The following IL10RA variants were observed in gnomAD, a reference collection of about 807,000 sequenced individuals.
IL10RA encodes the protein interleukin 10 receptor subunit alpha.
A neutral mutation model predicts 29.6 loss-of-function variants in IL10RA; 18 were observed. The ratio of observed to expected loss-of-function variants is 0.61; its 90% CI spans 0.42 to 0.90. The LOEUF (loss-of-function observed/expected upper bound fraction) is 0.90, where lower values mean the gene tolerates loss of function less well. Among genes scored for constraint, IL10RA ranks in the 40% least tolerant of loss-of-function variants. IL10RA has a pLI of 0.00. For missense variants in IL10RA, 634 were observed against 716.6 expected, an observed-to-expected ratio of 0.88 and a Z score of 1.32; for synonymous variants, 292 against 294.1, an observed-to-expected ratio of 0.99 and a Z score of 0.07.
chr11:117,993,469 C>G, intron 4 of IL10RA, 59 bp downstream of exon 4: 1 of 1,441,394 alleles, frequency 6.9e-7, no homozygotes, highest in Non-Finnish European at 9.8e-7. Flanking sequence ...GTCCCCTGGG[C>G]TGGAAGCACC....
chr11:117,994,043 C>T lies in IL10RA; in HGVS notation c.582C>T (p.Thr194=). 1 of 1,613,948 alleles carries T rather than the reference C, an allele frequency of 6.2e-7. No homozygotes were observed. Among genetic ancestry groups the T allele is most frequent in the East Asian group, 2.2e-5 (1 of 44,888 alleles). Residue 194 remains threonine (T), a synonymous_variant, in exon 5 of 7, where the codon ACC becomes ACT. Coordinates refer to ENST00000227752, the MANE Select transcript of IL10RA (RefSeq NM_001558.4). ...AACATGAAAACTTCAGCCTCCTAAC[C>T]TCTGGAGAAGTGGGAGAGTTCTGTG... is the stretch of plus-strand genomic sequence containing the variant. The part of the protein sequence containing the change: ...KVKHENFSLL[T]SGEVGEFCVQ...
Position 118,000,840 on chromosome 11 carries a change from G to T in IL10RA, c.*1199G>T, listed in dbSNP as rs540216075. On this transcript the variant is annotated 3_prime_UTR_variant, in exon 7 of 7. Transcript: ENST00000227752. The stretch of plus-strand genomic sequence containing the variant: ...TATGCCAGAGGCTAACAGATCCAAT[G>T]GGAGTCCATGGTGTCATGCCAAGAC... The T allele has an allele frequency of 2.2e-6, 1 of 454,266 alleles. No homozygotes were observed. The highest frequency in any genetic ancestry group is 1.6e-5 in the South Asian group (1 of 64,476). 28.1% of individuals were successfully genotyped at this position (454,266 alleles called of 1,614,324 possible).
At position 118,000,832 on chromosome 11, in the gene IL10RA, G is replaced by A. The variant is rs2058090922; in HGVS notation, c.*1191G>A. On this transcript the variant is annotated 3_prime_UTR_variant, in exon 7 of 7. Coordinates refer to ENST00000227752, the MANE Select transcript of IL10RA (RefSeq NM_001558.4). ...TTGTTTCTTATGCCAGAGGCTAACAGATCCAATGGGAGTCCATGGTGTCAT... is the reference window on the plus strand; with the variant it reads ...TTGTTTCTTATGCCAGAGGCTAACAAATCCAATGGGAGTCCATGGTGTCAT... 4.4e-6 allele frequency: 2 copies of A among 454,176 alleles called. No homozygotes were observed. Among genetic ancestry groups the A allele is most frequent in the Non-Finnish European group, 8.8e-6 (2 of 226,800 alleles). The allele number at this position is 454,176 out of a possible 1,614,324, so 28.1% of individuals were successfully genotyped here.
At chr11:117,991,536 T>TA (rs2058022302) in intron 3 of IL10RA, among the ~76,000 whole-genome samples, 1 of 152,182 alleles carries the variant, frequency 6.6e-6, no homozygotes, top group Admixed American at 6.5e-5. Context: ...CCTCTCCTTG[T>TA]TCCCTATCCA....
Position 117,989,694 on chromosome 11 carries a change from C to T in IL10RA, c.367+74C>T. On this transcript the variant is annotated intron_variant, in intron 3 of 6. Transcript: ENST00000227752. This position sits in a 1 kb window ranked among gnomAD's most constrained non-coding sequence, Gnocchi z 4.5. Reference sequence around the variant, plus strand: ...CCAGGAACTCTAGTCTAGAGCTTTTCTGTCTATTACCATAGCTCACCATGT... The same window carrying T: ...CCAGGAACTCTAGTCTAGAGCTTTTTTGTCTATTACCATAGCTCACCATGT... 6.9e-7 allele frequency: 1 copy of T among 1,446,198 alleles called. No homozygotes were observed. Among genetic ancestry groups the T allele is most frequent in the Non-Finnish European group, 9.6e-7 (1 of 1,046,290 alleles). The allele number at this position is 1,446,198 out of a possible 1,614,324, so 89.6% of individuals were successfully genotyped here.
intron 5 of IL10RA, among the ~76,000 whole-genome samples, chr11:117,994,796 C>G (rs1052647676): frequency 1.3e-5 from 2 of 152,192 alleles, no homozygotes. Context: ...AGTAAGTGCT[C>G]TGGGAGGGCC....
At position 117,999,770 on chromosome 11, in the gene IL10RA, GC is replaced by G. The variant is rs774879478; in HGVS notation, c.*133del. 4.8e-6 allele frequency: 4 copies of G among 837,042 alleles called. No individual in the cohort carries two copies. Among genetic ancestry groups the G allele is most frequent in the Admixed American group, 3.9e-5 (2 of 50,680 alleles). 51.9% of individuals were successfully genotyped at this position (837,042 alleles called of 1,614,324 possible). ...CTTTTCTGCAAGTCCACTGGGGCTGGCCCCAGCCAGGCCCTGCAGGGCTGGT... is the reference window on the plus strand; with the variant it reads ...CTTTTCTGCAAGTCCACTGGGGCTGGCCCAGCCAGGCCCTGCAGGGCTGGT... On this transcript the variant is annotated 3_prime_UTR_variant, in exon 7 of 7. Transcript: ENST00000227752.
intron 1 of IL10RA, chr11:117,986,904 C>T (rs1166811014): frequency 9.2e-6 from 11 of 1,198,410 alleles, no homozygotes. Flanking sequence ...CTGACTCTCC[C>T]TTCTCTTAGT....
In IL10RA at chr11:117,999,403, A is replaced by G. The variant is rs2058078647; in HGVS notation, c.1499A>G (p.Asp500Gly). The change falls in exon 7 of 7, where the codon GAT becomes GGT. Residue 500 changes from aspartate (D) to glycine (G), a missense_variant. By Grantham distance (94) the Asp-to-Gly change is moderately conservative (BLOSUM62 -1). Transcript: ENST00000227752. ...CTGGCCAAGGGCTATTTGAAACAGG[A>G]TCCTCTAGAAATGACTCTGGCTTCC... is the stretch of plus-strand genomic sequence containing the variant. ...PALAKGYLKQ[D>G]PLEMTLASSG... The G allele has an allele frequency of 6.2e-7, 1 of 1,614,192 alleles. No individual in the cohort carries two copies. Among genetic ancestry groups the G allele is most frequent in the East Asian group, 2.2e-5 (1 of 44,890 alleles).
At chr11:117,994,336 T>C in intron 5 of IL10RA, 187 bp downstream of exon 5, 1 of 594,340 alleles carries the variant, frequency 1.7e-6, no homozygotes, top group South Asian at 2.1e-5. Context: ...TGAGGCTCAG[T>C]ATTAGCAACT....
rs767275130 is a variant in IL10RA, at chr11:117,999,185, C to T, written c.1281C>T (p.Pro427=). The T allele has an allele frequency of 2.4e-5, 38 of 1,614,112 alleles. No individual in the cohort carries two copies. Among genetic ancestry groups the T allele is most frequent in the Non-Finnish European group, 2.8e-5 (33 of 1,180,038 alleles). Reference sequence around the variant, plus strand: ...GCTCGGCCTTGGGCCACCACAGTCCCCCGGAGCCTGAGGTGCCTGGGGAAG... The same window carrying T: ...GCTCGGCCTTGGGCCACCACAGTCCTCCGGAGCCTGAGGTGCCTGGGGAAG... The part of the protein sequence containing the change: ...QGGSALGHHS[P]PEPEVPGEED... Residue 427 remains proline, a synonymous_variant, in exon 7 of 7, where the codon CCC becomes CCT. Transcript: ENST00000227752.
chr11:117,988,480 T>A lies in IL10RA; in HGVS notation c.166T>A (p.Cys56Ser). 1 of 1,614,046 alleles carries A rather than the reference T, an allele frequency of 6.2e-7. No individual in the cohort carries two copies. Among genetic ancestry groups the A allele is most frequent in the South Asian group, 1.1e-5 (1 of 91,074 alleles). Reference sequence around the variant, plus strand: ...CATCCCAAATCAGTCTGAAAGTACCTGCTATGAAGTGGCGCTCCTGAGGTG... The same window carrying A: ...CATCCCAAATCAGTCTGAAAGTACCAGCTATGAAGTGGCGCTCCTGAGGTG... ...TPIPNQSEST[C>S]YEVALLRYGI... is the part of the protein sequence containing the mutation. Residue 56 changes from cysteine to serine, a missense_variant, in exon 2 of 7, where the codon TGC (cysteine) becomes AGC (serine). Transcript: ENST00000227752.
intron 1 of IL10RA, chr11:117,987,105 G>C (rs2057991670): frequency 2.9e-6 from 1 of 346,400 alleles, no homozygotes; most frequent in Non-Finnish European, 5.7e-6. Flanking sequence ...ACAGTTCTCC[G>C]GCAAGGTTTC....
rs7933844 is a variant in IL10RA at position 117,992,204 on chromosome 11, C to T, written c.368-1037C>T. On this transcript the variant is annotated intron_variant, in intron 3 of 6. Coordinates refer to ENST00000227752, the MANE Select transcript of IL10RA (RefSeq NM_001558.4). Reference sequence around the variant, plus strand: ...TCAATACACTAATTTCAATATCTTTCGATATATACCCAGTAGTGGGAATTG... The same window carrying T: ...TCAATACACTAATTTCAATATCTTTTGATATATACCCAGTAGTGGGAATTG... Among the ~76,000 whole-genome samples the T allele has an allele frequency of 3.5e-3, 527 of 152,268 alleles. 3 individuals carry two copies. Among genetic ancestry groups the T allele is most frequent in the African/African-American group, 0.012 (479 of 41,534 alleles).
downstream of IL10RA, chr11:118,002,352 A>G (rs2058101041): frequency 6.6e-6 from 1 of 152,250 alleles, no homozygotes; most frequent in Non-Finnish European, 1.5e-5. Context: ...TGAGAAAATA[A>G]CTAGTTCTGA....
intron 2 of IL10RA, 51 bp downstream of exon 2, chr11:117,988,553 T>A (rs1764793376): frequency 5.0e-6 from 8 of 1,603,824 alleles, no homozygotes; most frequent in Non-Finnish European, 6.8e-6. Context: ...CCCCGCCTTG[T>A]CCTCTACTCT....
intron 1 of IL10RA, chr11:117,986,850 A>G (rs2057989994): frequency 6.9e-7 from 1 of 1,447,116 alleles, no homozygotes; most frequent in Non-Finnish European, 9.2e-7. Context: ...GTTTAGGTTC[A>G]AATGATGGGA....
At chr11:117,993,442 A>G in intron 4 of IL10RA, 32 bp downstream of exon 4, 1 of 1,601,778 alleles carries the variant, frequency 6.2e-7, no homozygotes, top group Non-Finnish European at 8.6e-7. Flanking sequence ...CAGGGCCAGA[A>G]CTCCCTTGGC....
rs141609122 is a variant in IL10RA, at chr11:118,001,016, C to A, written c.*1375C>A. ...GCGTGCCATCCAGAGTCATCTCAGC[C>A]CTGCCTTTCTCTGGAGCATTCTGAA... On this transcript the variant is annotated 3_prime_UTR_variant, in exon 7 of 7. Coordinates refer to ENST00000227752, the MANE Select transcript of IL10RA (RefSeq NM_001558.4). 5.8e-4 allele frequency: 265 copies of A among 454,226 alleles called. 2 individuals carry two copies. In the East Asian group the frequency reaches 0.016, roughly 27 times the overall value. The allele number at this position is 454,226 out of a possible 1,614,324, so 28.1% of individuals were successfully genotyped here.
Sources: gnomAD v4.1 joint callset for allele counts (sites outside exome capture counted in the v4.1 genomes callset) on GRCh38, gnomAD v4.1.1 for gene constraint, Gnocchi (gnomAD v3.1) non-coding constraint, MANE v1.5 for transcripts, NCBI Gene and HGNC (gene_info 2026-07-23, HGNC 2026-07-21) for gene names.